The following CFAP299 variants were observed in gnomAD, a reference collection of about 807,000 sequenced individuals.
CFAP299 encodes the protein cilia and flagella associated protein 299.
CFAP299 carries 21 observed loss-of-function variants against 27.0 expected under a neutral mutation model. The observed-to-expected ratio is 0.78, with a 90% CI of 0.55 to 1.12. The LOEUF is 1.12. Ranked by LOEUF, CFAP299 falls within the 50% of genes most tolerant of loss-of-function variation. The probability of loss-of-function intolerance (pLI) is 0.00; values close to 1 mark genes in which losing one functional copy is unlikely to be tolerated. For missense variants in CFAP299, 310 were observed against 276.6 expected (o/e 1.12, Z -0.86); for synonymous variants, 104 against 98.1 (o/e 1.06, Z -0.36).
intron 2 of CFAP299, among the ~76,000 whole-genome samples, chr4:80,423,540 A>C (rs896571379): frequency 6.6e-6 from 1 of 152,184 alleles, no homozygotes; most frequent in African/African-American, 2.4e-5. Context: ...TGTGGGCTCC[A>C]GACCCAGTGA....
At chr4:80,390,786 CATATATGTATATGT>C (rs1725386286) in intron 2 of CFAP299, among the ~76,000 whole-genome samples, 1 of 138,992 alleles carries the variant, frequency 7.2e-6, no homozygotes. Flanking sequence ...TACATATACA[CATATATGTATATGT>C]ATATATGTAT....
chr4:80,464,679 A>G (rs1355740054), intron 2 of CFAP299, among the ~76,000 whole-genome samples: 1 of 152,174 alleles, frequency 6.6e-6, no homozygotes, highest in East Asian at 1.9e-4. Context: ...ATTTTAATAA[A>G]TTCTAAATGT....
intron 2 of CFAP299, among the ~76,000 whole-genome samples, chr4:80,466,962 G>A (rs1019467833): frequency 1.3e-5 from 2 of 152,136 alleles, no homozygotes; most frequent in Admixed American, 1.3e-4. Flanking sequence ...CAATTACAGG[G>A]GAGAGATGGC....
At chr4:80,848,782 AC>A (rs1731325504) in intron 3 of CFAP299, among the ~76,000 whole-genome samples, 1 of 152,164 alleles carries the variant, frequency 6.6e-6, no homozygotes, top group Admixed American at 6.6e-5. Flanking sequence ...TCTCAAAAAA[AC>A]AAAAACAAAA....
At chr4:80,953,121 G>A (rs1428858347) in intron 5 of CFAP299, among the ~76,000 whole-genome samples, 1 of 152,148 alleles carries the variant, frequency 6.6e-6, no homozygotes, top group Non-Finnish European at 1.5e-5. Flanking sequence ...TTTTAAACAA[G>A]GTTATGGCTT....
At chr4:80,661,026 C>T (rs921781247) in intron 3 of CFAP299, among the ~76,000 whole-genome samples, 6 of 151,700 alleles carry the variant, frequency 4.0e-5, no homozygotes, top group African/African-American at 9.7e-5. Context: ...GTGCTAACTC[C>T]GTTAAAGTGA....
intron 2 of CFAP299, among the ~76,000 whole-genome samples, chr4:80,448,706 TAAA>T (rs5859726): frequency 6.6e-6 from 1 of 151,454 alleles, no homozygotes; most frequent in African/African-American, 2.4e-5. Context: ...TTGAACATAA[TAAA>T]AAAAAAACCA....
chr4:80,494,064 C>G (rs905195092), intron 2 of CFAP299, among the ~76,000 whole-genome samples: 1 of 152,066 alleles, frequency 6.6e-6, no homozygotes, highest in South Asian at 2.1e-4. Context: ...CGTGAGCCAC[C>G]GCGCCTGGCC....
chr4:80,452,263 A>G lies in CFAP299; in HGVS notation c.242+89379A>G, dbSNP rs78306550. On this transcript the variant is annotated intron_variant, in intron 2 of 5. Coordinates refer to ENST00000358105, the MANE Select transcript of CFAP299 (RefSeq NM_152770.3). ...TGCCTGACTCTCTCGGTGTCTTTCAATCCATTACATCATTCTGTTACGACC... is the reference window on the plus strand; with the variant it reads ...TGCCTGACTCTCTCGGTGTCTTTCAGTCCATTACATCATTCTGTTACGACC... Among the ~76,000 whole-genome samples, 131 of 151,978 alleles carry G rather than the reference A, an allele frequency of 8.6e-4. 1 individual carries two copies. Among genetic ancestry groups the G allele is most frequent in the African/African-American group, 3.1e-3 (129 of 41,470 alleles).
chr4:80,467,061 C>T (rs1484601461), intron 2 of CFAP299, among the ~76,000 whole-genome samples: 1 of 152,082 alleles, frequency 6.6e-6, no homozygotes, highest in Non-Finnish European at 1.5e-5. Flanking sequence ...AAATAGAAAG[C>T]CTGTTGTTTT....
At chr4:80,540,585 C>T (rs537201959) in intron 2 of CFAP299, among the ~76,000 whole-genome samples, 1 of 152,134 alleles carries the variant, frequency 6.6e-6, no homozygotes, top group East Asian at 1.9e-4. Context: ...TAGCTAGAAA[C>T]CAAAACAAAG....
chr4:80,786,155 G>A (rs1727234614), intron 3 of CFAP299, among the ~76,000 whole-genome samples: 1 of 152,054 alleles, frequency 6.6e-6, no homozygotes. Flanking sequence ...TGTGGCTTGT[G>A]AAGTATACCC....
intron 4 of CFAP299, among the ~76,000 whole-genome samples, chr4:80,937,568 A>C (rs1736977287): frequency 6.6e-6 from 1 of 151,546 alleles, no homozygotes; most frequent in Non-Finnish European, 1.5e-5. Context: ...TGATCTGCCC[A>C]CCTTGGCCTC....
chr4:80,419,046 C>T (rs909115789), intron 2 of CFAP299, among the ~76,000 whole-genome samples: 2 of 152,130 alleles, frequency 1.3e-5, no homozygotes, highest in African/African-American at 4.8e-5. Context: ...TACAGGTCTG[C>T]AGCAACCTCA....
At chr4:80,397,712 A>G (rs2110044899) in intron 2 of CFAP299, among the ~76,000 whole-genome samples, 1 of 152,314 alleles carries the variant, frequency 6.6e-6, no homozygotes, top group Non-Finnish European at 1.5e-5. Flanking sequence ...TATTTATGAC[A>G]AACCCACAGC....
chr4:80,797,876 G>A (rs138687302), intron 3 of CFAP299, among the ~76,000 whole-genome samples: 25 of 152,054 alleles, frequency 1.6e-4, no homozygotes, highest in Non-Finnish European at 2.6e-4. Context: ...TTTCTAGCTC[G>A]CTCACAGTGG....
chr4:80,683,930 G>A (rs1316357454), intron 3 of CFAP299, among the ~76,000 whole-genome samples: 3 of 152,168 alleles, frequency 2.0e-5, no homozygotes, highest in Non-Finnish European at 4.4e-5. Flanking sequence ...TTGAGTTTGA[G>A]TGTACATTTC....
At chr4:80,860,829 C>A (rs1205971965) in intron 3 of CFAP299, among the ~76,000 whole-genome samples, 1 of 152,170 alleles carries the variant, frequency 6.6e-6, no homozygotes, top group Non-Finnish European at 1.5e-5. Flanking sequence ...CTGGGGGGTG[C>A]CTCCCAGTTA....
In CFAP299 at chr4:80,934,761, T is replaced by C. The variant is rs889486715; in HGVS notation, c.477-10049T>C. 6.6e-5 allele frequency among the ~76,000 whole-genome samples: 10 copies of C among 152,192 alleles called. No homozygotes were observed. In the Middle Eastern group the frequency reaches 0.031, roughly 469 times the overall value. On this transcript the variant is annotated intron_variant, in intron 4 of 5. Transcript: ENST00000358105. ...GTCTTCTCTTTCATTTCTAACTTTC[T>C]TTGGGCATTCTCTCTTTTTTAAATT...
Sources: gnomAD v4.1 joint callset for allele counts (sites outside exome capture counted in the v4.1 genomes callset) on GRCh38, gnomAD v4.1.1 for gene constraint, MANE v1.5 for transcripts, NCBI Gene and HGNC (gene_info 2026-07-23, HGNC 2026-07-21) for gene names.